XKR9: variants seen among roughly 807,000 people sequenced by gnomAD.
The protein encoded by XKR9 is XK related 9.
A neutral mutation model predicts 32.0 loss-of-function variants in XKR9; 32 were observed. That is an observed-to-expected ratio of 1.00 (90% CI 0.76 to 1.34). The LOEUF (loss-of-function observed/expected upper bound fraction) is 1.34. Ranked by LOEUF, XKR9 falls within the 40% of genes most tolerant of loss-of-function variation. The probability of loss-of-function intolerance (pLI) is 0.00; values close to 1 mark genes in which losing one functional copy is unlikely to be tolerated. For synonymous variants in XKR9, 168 were observed against 143.4 expected (o/e 1.17, Z -1.22); for missense variants, 546 against 429.7 (o/e 1.27, Z -2.39).
Position 70,734,034 on chromosome 8 carries a change from A to G in XKR9, c.732A>G (p.Ile244Met), listed in dbSNP as rs1224863677. ...LLLFLWLLGI[I>M]WAFKNNTQFC... ...TATTTCTTTGGTTGTTAGGTATAAT[A>G]TGGGCATTTAAAAACAACACCCAGT... Residue 244 changes from isoleucine (I) to methionine (M), a missense_variant, in exon 5 of 5, where the codon ATA becomes ATG. Coordinates refer to ENST00000408926, the MANE Select transcript of XKR9 (RefSeq NM_001011720.2). 5 of 1,613,370 alleles carry G rather than the reference A, an allele frequency of 3.1e-6. No homozygotes were observed. The highest frequency in any genetic ancestry group is 1.6e-4 in the Middle Eastern group (1 of 6,078).
At chr8:70,979,038 G>A in the XKR9 span, among the ~76,000 whole-genome samples, 1 of 152,118 alleles carries the variant, frequency 6.6e-6, no homozygotes, top group Admixed American at 6.5e-5. Context: ...GGCTACTGAA[G>A]GTTGTACATG....
At chr8:70,702,608 G>A (rs1311620782) in intron 3 of XKR9, among the ~76,000 whole-genome samples, 1 of 151,930 alleles carries the variant, frequency 6.6e-6, no homozygotes, top group East Asian at 1.9e-4. Context: ...AGCTCCATTA[G>A]GTGCATACAG....
At chr8:70,849,474 A>G in the XKR9 span, among the ~76,000 whole-genome samples, 1 of 152,236 alleles carries the variant, frequency 6.6e-6, no homozygotes, top group Non-Finnish European at 1.5e-5. Flanking sequence ...CAGTGTTTAG[A>G]GTGAAATTTA....
the XKR9 span, among the ~76,000 whole-genome samples, chr8:70,980,847 T>C: frequency 1.3e-5 from 2 of 152,258 alleles, no homozygotes; most frequent in Non-Finnish European, 2.9e-5. Context: ...TGGCAAATTA[T>C]CTTGGCATTT....
chr8:71,032,023 G>A, the XKR9 span, among the ~76,000 whole-genome samples: 2 of 152,110 alleles, frequency 1.3e-5, no homozygotes, highest in Non-Finnish European at 1.5e-5. Context: ...GGCTGGGCAC[G>A]GTGGCTTACG....
chr8:70,932,935 C>G, the XKR9 span, among the ~76,000 whole-genome samples: 7 of 152,096 alleles, frequency 4.6e-5, no homozygotes, highest in Admixed American at 1.3e-4. Context: ...TGAACGGACC[C>G]TAGCTTTCAG....
intron 2 of XKR9, among the ~76,000 whole-genome samples, chr8:70,742,892 T>C (rs1330478721): frequency 6.6e-6 from 1 of 152,144 alleles, no homozygotes; most frequent in Non-Finnish European, 1.5e-5. Context: ...AGTATTTTTT[T>C]TCTAGTTTTT....
At chr8:70,870,382 G>T in the XKR9 span, among the ~76,000 whole-genome samples, 1 of 152,150 alleles carries the variant, frequency 6.6e-6, no homozygotes. Context: ...CCAGAGTCTG[G>T]TCACATATAT....
chr8:71,018,351 C>T, the XKR9 span, among the ~76,000 whole-genome samples: 1 of 152,142 alleles, frequency 6.6e-6, no homozygotes, highest in African/African-American at 2.4e-5. Context: ...AGAGAAATGG[C>T]TCTTCCAAGA....
At chr8:70,684,037 G>A (rs142808998) in intron 3 of XKR9, among the ~76,000 whole-genome samples, 10 of 152,110 alleles carry the variant, frequency 6.6e-5, no homozygotes, top group Admixed American at 2.6e-4. Context: ...TCTCATTGCC[G>A]CTCTTTTGAA....
the XKR9 span, among the ~76,000 whole-genome samples, chr8:70,963,961 T>C: frequency 6.6e-5 from 10 of 152,340 alleles, no homozygotes; most frequent in South Asian, 1.9e-3. Context: ...AGAAGCTCTT[T>C]AGTTTAATTA....
At chr8:71,063,592 T>C in the XKR9 span, among the ~76,000 whole-genome samples, 1 of 152,044 alleles carries the variant, frequency 6.6e-6, no homozygotes, top group Non-Finnish European at 1.5e-5. Context: ...AAACTATTTC[T>C]GGCTTTATGA....
chr8:70,751,452 TGA>T (rs1807139764), intron 2 of XKR9, among the ~76,000 whole-genome samples: 1 of 152,098 alleles, frequency 6.6e-6, no homozygotes, highest in Non-Finnish European at 1.5e-5. Context: ...GGTGTCAACT[TGA>T]CTGGGTAAAG....
the XKR9 span, among the ~76,000 whole-genome samples, chr8:70,805,131 A>G: frequency 6.6e-6 from 1 of 152,128 alleles, no homozygotes; most frequent in African/African-American, 2.4e-5. Flanking sequence ...ATCTGTGGAG[A>G]GGAAGGAAGG....
chr8:70,759,481 G>C (rs1807276989), intron 2 of XKR9, among the ~76,000 whole-genome samples: 1 of 152,184 alleles, frequency 6.6e-6, no homozygotes, highest in Non-Finnish European at 1.5e-5. Context: ...TAATCTGTCT[G>C]ACAGATCATG....
At chr8:70,933,640 A>G in the XKR9 span, among the ~76,000 whole-genome samples, 1 of 152,062 alleles carries the variant, frequency 6.6e-6, no homozygotes, top group South Asian at 2.1e-4. Flanking sequence ...CTAAGTGATA[A>G]GAATCACTTA....
the XKR9 span, among the ~76,000 whole-genome samples, chr8:70,867,278 C>T: frequency 6.6e-6 from 1 of 152,114 alleles, no homozygotes; most frequent in East Asian, 1.9e-4. Flanking sequence ...GACCTCCCTC[C>T]ATAATTAAAT....
At chr8:71,065,748 G>A in the XKR9 span, among the ~76,000 whole-genome samples, 1 of 152,100 alleles carries the variant, frequency 6.6e-6, no homozygotes, top group African/African-American at 2.4e-5. Flanking sequence ...TGTAAAAGAT[G>A]GAAGCCTGTG....
chr8:70,756,128 CT>C (rs1807222033), intron 2 of XKR9, among the ~76,000 whole-genome samples: 1 of 152,100 alleles, frequency 6.6e-6, no homozygotes. Flanking sequence ...AAAAGATATT[CT>C]TTATTCATTG....
Sources: allele counts gnomAD v4.1 joint callset (sites outside exome capture counted in the v4.1 genomes callset), GRCh38; gene constraint gnomAD v4.1.1; transcripts MANE v1.5; gene names NCBI Gene and HGNC (gene_info 2026-07-23, HGNC 2026-07-21).